ARHGEF12: variants seen among roughly 807,000 people sequenced by gnomAD.
ARHGEF12 encodes the protein KMT2A/ARHGEF12 fusion protein.
In ARHGEF12, 66 loss-of-function variants were observed where a neutral mutation model predicts 211.2. That is an observed-to-expected ratio of 0.31 (90% CI 0.26 to 0.38). ARHGEF12 has a LOEUF of 0.38. Ranked by LOEUF, ARHGEF12 falls within the 10% of genes least tolerant of loss-of-function variation. ARHGEF12 has a pLI of 1.00. For missense variants in ARHGEF12, 1,429 were observed against 1,869.5 expected (o/e 0.76, Z 4.34); for synonymous variants, 592 against 638.4 (o/e 0.93, Z 1.09).
chr11:120,378,744 A>G (rs570230006), intron 1 of ARHGEF12, among the ~76,000 whole-genome samples: 1 of 152,248 alleles, frequency 6.6e-6, no homozygotes, highest in African/African-American at 2.4e-5. Flanking sequence ...TTCCCGTTGA[A>G]CTGCTTTGGC....
chr11:120,371,291 C>A (rs1943582351), intron 1 of ARHGEF12, among the ~76,000 whole-genome samples: 1 of 152,172 alleles, frequency 6.6e-6, no homozygotes, highest in Non-Finnish European at 1.5e-5. Context: ...GAGTTTGAGA[C>A]CAGCCTGACC....
At chr11:120,401,656 A>AT (rs1233466189) in intron 1 of ARHGEF12, among the ~76,000 whole-genome samples, 2 of 152,272 alleles carry the variant, frequency 1.3e-5, no homozygotes, top group Admixed American at 1.3e-4. Flanking sequence ...GGTCAACACA[A>AT]TTTCACTACA....
At chr11:120,396,547 A>G (rs184007697) in intron 1 of ARHGEF12, among the ~76,000 whole-genome samples, 138 of 152,370 alleles carry the variant, frequency 9.1e-4, no homozygotes, top group African/African-American at 3.1e-3. Flanking sequence ...TATTCCAAAA[A>G]TAGACCCACG....
In ARHGEF12 at chr11:120,347,170, TCC is replaced by T. The variant is rs1491206079; in HGVS notation, c.32+9896_32+9897del. Among the ~76,000 whole-genome samples the T allele has an allele frequency of 1.8e-3, 155 of 84,722 alleles. 5 individuals carry two copies. Among genetic ancestry groups the T allele is most frequent in the African/African-American group, 5.1e-3 (92 of 18,148 alleles). 55.6% of individuals were successfully genotyped at this position (84,722 alleles called of 152,430 possible). A position where few individuals can be genotyped will look rare whatever the true frequency, so the allele number is the denominator to read the frequency against. On this transcript the variant is annotated intron_variant, in intron 1 of 40. Transcript: ENST00000397843. ...TTCCTTCCTTCCTTCCTTCCTTCCT[TCC>T]TTCCTTCCTTCCTTTCTTTCTTTCT...
rs1373688600 is a variant in ARHGEF12 at position 120,457,214 on chromosome 11, T to G, written c.2153T>G (p.Leu718Ter). ...GTCTTTGATTTCCCACCACCTCCAT[T>G]AGACCAAGTGCAGGAGGAGGAATGT... is the stretch of plus-strand genomic sequence containing the variant. ...NTVFDFPPPP[L>*]DQVQEEECEV... Residue 718 changes from leucine to a stop codon, truncating the protein, a stop_gained, in exon 23 of 41, where the codon TTA becomes TGA. Coordinates refer to ENST00000397843, the MANE Select transcript of ARHGEF12 (RefSeq NM_015313.3). LOFTEE classifies it high-confidence loss of function. 6.2e-7 allele frequency: 1 copy of G among 1,613,948 alleles called. No homozygotes were observed. Among genetic ancestry groups the G allele is most frequent in the Non-Finnish European group, 8.5e-7 (1 of 1,179,968 alleles).
Position 120,386,674 on chromosome 11 carries a change from G to A in ARHGEF12, c.33-19444G>A, listed in dbSNP as rs531167616. On this transcript the variant is annotated intron_variant, in intron 1 of 40. Transcript: ENST00000397843. Reference sequence around the variant, plus strand: ...TTTTTGGTGCAAGCATATAAGTATTGCAGTGTTATATATTTATGTACTGAC... The same window carrying A: ...TTTTTGGTGCAAGCATATAAGTATTACAGTGTTATATATTTATGTACTGAC... Among the ~76,000 whole-genome samples, 6 of 152,204 alleles carry A rather than the reference G, an allele frequency of 3.9e-5. No homozygotes were observed. The South Asian group carries it at 1.0e-3, about 26-fold the overall frequency.
chr11:120,379,811 T>TTATTATG (rs1205303639), intron 1 of ARHGEF12, among the ~76,000 whole-genome samples: 2 of 152,120 alleles, frequency 1.3e-5, no homozygotes, highest in Non-Finnish European at 2.9e-5. Flanking sequence ...AATGGTCTCT[T>TTATTATG]TATTATGTAT....
At chr11:120,338,298 G>C (rs1942419386) in intron 1 of ARHGEF12, among the ~76,000 whole-genome samples, 1 of 152,154 alleles carries the variant, frequency 6.6e-6, no homozygotes, top group South Asian at 2.1e-4. Flanking sequence ...TGCAACAATA[G>C]TGCTTCTGCA....
intron 7 of ARHGEF12, among the ~76,000 whole-genome samples, chr11:120,426,368 A>T (rs1012022482): frequency 2.6e-5 from 4 of 152,228 alleles, no homozygotes; most frequent in Non-Finnish European, 4.4e-5. Flanking sequence ...CATAGCTAAA[A>T]ACTTAAAGTA....
intron 30 of ARHGEF12, 53 bp downstream of exon 30, chr11:120,469,441 A>G (rs1031643414): frequency 1.5e-6 from 2 of 1,371,812 alleles, no homozygotes; most frequent in Admixed American, 2.1e-5. Flanking sequence ...ACATTAAATT[A>G]ATATTACCTG....
In ARHGEF12 at chr11:120,396,636, A is replaced by G. The variant is rs187701130; in HGVS notation, c.33-9482A>G. 2.0e-4 allele frequency among the ~76,000 whole-genome samples: 31 copies of G among 152,332 alleles called. No individual in the cohort carries two copies. In the East Asian group the frequency reaches 2.9e-3, roughly 14 times the overall value. On this transcript the variant is annotated intron_variant, in intron 1 of 40. Coordinates refer to ENST00000397843, the MANE Select transcript of ARHGEF12 (RefSeq NM_015313.3). ...ACGGTGCTGGAACAATTGGATTTCAATTGGATATCACACTCTATATAAAAA... is the reference window on the plus strand; with the variant it reads ...ACGGTGCTGGAACAATTGGATTTCAGTTGGATATCACACTCTATATAAAAA...
intron 1 of ARHGEF12, among the ~76,000 whole-genome samples, chr11:120,382,570 G>A (rs997746440): frequency 6.6e-5 from 10 of 152,214 alleles, no homozygotes; most frequent in Non-Finnish European, 2.9e-5. Flanking sequence ...TTAGCTGATT[G>A]TACCAAGTAA....
Position 120,414,566 on chromosome 11 carries a change from A to C in ARHGEF12, c.199+5116A>C, listed in dbSNP as rs535538422. ...GACTCTACCTACTTTCTGGTTGTTC[A>C]CAGTCTGGTACAAAAGAATTGCAAT... On this transcript the variant is annotated intron_variant, in intron 4 of 40. Transcript: ENST00000397843. 8.5e-4 allele frequency among the ~76,000 whole-genome samples: 130 copies of C among 152,294 alleles called. 1 individual carries two copies. Among genetic ancestry groups the C allele is most frequent in the East Asian group, 1.9e-3 (10 of 5,180 alleles).
At chr11:120,424,231 T>TA in intron 6 of ARHGEF12, 127 bp from the exon 7 acceptor site, 1 of 564,228 alleles carries the variant, frequency 1.8e-6, no homozygotes, top group Non-Finnish European at 3.0e-6. Context: ...ATCAAATACA[T>TA]AAATATTTTA....
At position 120,488,763 on chromosome 11, in the gene ARHGEF12, C is replaced by T; in HGVS notation, c.*3686C>T. ...CACCATACAATCATGTACTCTTTAA[C>T]AGAAATTGCTTTTAAAAAATATCTG... On this transcript the variant is annotated 3_prime_UTR_variant, in exon 41 of 41. Coordinates refer to ENST00000397843, the MANE Select transcript of ARHGEF12 (RefSeq NM_015313.3). 1 of 213,638 alleles carries T rather than the reference C, an allele frequency of 4.7e-6. No individual in the cohort carries two copies. Among genetic ancestry groups the T allele is most frequent in the African/African-American group, 2.3e-5 (1 of 44,338 alleles). The allele number at this position is 213,638 out of a possible 1,614,324, so 13.2% of individuals were successfully genotyped here.
chr11:120,436,364 C>T (rs1945692423), intron 11 of ARHGEF12, among the ~76,000 whole-genome samples: 1 of 152,134 alleles, frequency 6.6e-6, no homozygotes, highest in African/African-American at 2.4e-5. Flanking sequence ...ATCTGTGATA[C>T]CACCAAGATA....
At chr11:120,434,271 C>T (rs906178710) in intron 11 of ARHGEF12, among the ~76,000 whole-genome samples, 2 of 152,130 alleles carry the variant, frequency 1.3e-5, no homozygotes, top group African/African-American at 4.8e-5. Flanking sequence ...GTACCCAATG[C>T]TTTACAGATA....
chr11:120,406,748 C>T (rs1489451766), intron 2 of ARHGEF12, among the ~76,000 whole-genome samples: 5 of 152,008 alleles, frequency 3.3e-5, no homozygotes, highest in East Asian at 1.9e-4. Flanking sequence ...TTAGTAGAGA[C>T]GGAGTTTCAC....
At chr11:120,347,183 C>CCTTTCTTT (rs58396345) in intron 1 of ARHGEF12, among the ~76,000 whole-genome samples, 1,990 of 100,266 alleles carry the variant, frequency 0.02, 117 homozygotes, top group Middle Eastern at 0.044. Context: ...TTCCTTCCTT[C>CCTTTCTTT]CTTTCTTTCT....
Sources: gnomAD v4.1 joint callset for allele counts (sites outside exome capture counted in the v4.1 genomes callset) on GRCh38, gnomAD v4.1.1 for gene constraint, MANE v1.5 for transcripts, NCBI Gene and HGNC (gene_info 2026-07-23, HGNC 2026-07-21) for gene names.